SPPL3: variants seen among roughly 807,000 people sequenced by gnomAD.
The protein encoded by SPPL3 is signal peptide peptidase like 3, also known as signal peptide peptidase-like 3.
In SPPL3, 5 loss-of-function variants were observed where a neutral mutation model predicts 42.4. That is an observed-to-expected ratio of 0.12 (90% CI 0.06 to 0.25). SPPL3 has a LOEUF of 0.25. Ranked by LOEUF, SPPL3 falls within the 10% of genes least tolerant of loss-of-function variation. The pLI, the probability that SPPL3 is intolerant of heterozygous loss-of-function variation, is 1.00. For missense variants in SPPL3, 235 were observed against 489.0 expected (o/e 0.48, Z 4.90); for synonymous variants, 195 against 181.8 (o/e 1.07, Z -0.58).
At chr12:120,895,385 C>T (rs1873769188) in intron 1 of SPPL3, among the ~76,000 whole-genome samples, 1 of 151,770 alleles carries the variant, frequency 6.6e-6, no homozygotes, top group Non-Finnish European at 1.5e-5. Context: ...CAAGATCGCG[C>T]CACTGTACTC....
At chr12:120,769,984 A>AC (rs1869058141) in intron 6 of SPPL3, 1 of 149,754 alleles carries the variant, frequency 6.7e-6, no homozygotes, top group Non-Finnish European at 1.5e-5. Flanking sequence ...TTCTCTATAG[A>AC]CCCCAAAACA....
intron 1 of SPPL3, among the ~76,000 whole-genome samples, chr12:120,895,059 T>A (rs1873759254): frequency 6.6e-6 from 1 of 152,158 alleles, no homozygotes; most frequent in South Asian, 2.1e-4. Flanking sequence ...AAGATGAGGA[T>A]CATCCACTCT....
At chr12:120,850,639 A>G (rs969464129) in intron 1 of SPPL3, among the ~76,000 whole-genome samples, 3 of 152,228 alleles carry the variant, frequency 2.0e-5, no homozygotes, top group Non-Finnish European at 2.9e-5. Flanking sequence ...GTAACATCCT[A>G]TATTAGTTTC....
chr12:120,789,002 G>A (rs746633049), intron 3 of SPPL3, among the ~76,000 whole-genome samples: 8 of 152,108 alleles, frequency 5.3e-5, no homozygotes, highest in African/African-American at 1.2e-4. Context: ...CTGGTCGGCC[G>A]TCTTTGTAAT....
At chr12:120,883,817 G>A (rs370704485) in intron 1 of SPPL3, among the ~76,000 whole-genome samples, 10 of 152,010 alleles carry the variant, frequency 6.6e-5, no homozygotes, top group African/African-American at 1.9e-4. Context: ...AAATGTAGAC[G>A]TAAGCCGGGC....
intron 8 of SPPL3, among the ~76,000 whole-genome samples, chr12:120,767,865 A>G (rs1706831594): frequency 6.6e-6 from 1 of 152,204 alleles, no homozygotes; most frequent in African/African-American, 2.4e-5. Flanking sequence ...CTTCCTCTAG[A>G]AATGTCAAAC....
chr12:120,901,458 G>T (rs1273030867), intron 1 of SPPL3, among the ~76,000 whole-genome samples: 1 of 151,950 alleles, frequency 6.6e-6, no homozygotes, highest in African/African-American at 2.4e-5. Context: ...GGGCATGGTG[G>T]CATGTGGCTG....
chr12:120,845,295 G>A (rs575243684), intron 1 of SPPL3: 18 of 352,846 alleles, frequency 5.1e-5, no homozygotes, highest in Non-Finnish European at 9.2e-5. Context: ...ACCCCAGGAG[G>A]ACAGTATCCC....
Position 120,842,712 on chromosome 12 carries a change from A to G in SPPL3, c.24-31826T>C, listed in dbSNP as rs111269115. 8.5e-5 allele frequency among the ~76,000 whole-genome samples: 13 copies of G among 152,148 alleles called. 1 individual carries two copies. Among genetic ancestry groups the G allele is most frequent in the African/African-American group, 2.9e-4 (12 of 41,518 alleles). On this transcript the variant is annotated intron_variant, in intron 1 of 10. Transcript: ENST00000353487. ...CCTCTTTTATAAGGGCACTAATCCC[A>G]TTAACGAGGGCTGTGCCTTCATCAC...
chr12:120,878,577 C>T (rs980244333), intron 1 of SPPL3, among the ~76,000 whole-genome samples: 2 of 152,140 alleles, frequency 1.3e-5, no homozygotes, highest in African/African-American at 4.8e-5. Context: ...ATAATACGCC[C>T]ATAATAGAGA....
chr12:120,892,064 T>C (rs1873659705), intron 1 of SPPL3, among the ~76,000 whole-genome samples: 1 of 152,216 alleles, frequency 6.6e-6, no homozygotes, highest in Admixed American at 6.5e-5. Context: ...ATTTCTGTAC[T>C]TCCTTCAAAG....
At chr12:120,885,335 A>C (rs144043761) in intron 1 of SPPL3, among the ~76,000 whole-genome samples, 1 of 152,232 alleles carries the variant, frequency 6.6e-6, no homozygotes, top group Non-Finnish European at 1.5e-5. Context: ...CCTACAACAC[A>C]TAAGTATTTC....
chr12:120,817,861 C>A (rs1016688733), intron 1 of SPPL3, among the ~76,000 whole-genome samples: 1 of 152,094 alleles, frequency 6.6e-6, no homozygotes, highest in East Asian at 1.9e-4. Flanking sequence ...TTTGCCCACA[C>A]AAAGAAAGCA....
intron 1 of SPPL3, among the ~76,000 whole-genome samples, chr12:120,875,986 A>G (rs1361047014): frequency 1.3e-5 from 2 of 151,186 alleles, no homozygotes; most frequent in Non-Finnish European, 2.9e-5. Context: ...GGGATATTAC[A>G]AAATGATTAG....
intron 6 of SPPL3, 163 bp from the exon 7 acceptor site, chr12:120,769,222 G>A (rs371193881): frequency 6.2e-5 from 35 of 566,982 alleles, no homozygotes; most frequent in South Asian, 3.3e-4. Context: ...CAAAACACCC[G>A]CTTCTTCAGC....
At chr12:120,845,278 T>G in intron 1 of SPPL3, 1 of 367,722 alleles carries the variant, frequency 2.7e-6, no homozygotes, top group South Asian at 2.5e-5. Context: ...GTCCTGCTTG[T>G]TGGCAAACCC....
chr12:120,820,354 C>T (rs1033610583), intron 1 of SPPL3, among the ~76,000 whole-genome samples: 7 of 120,894 alleles, frequency 5.8e-5, no homozygotes, highest in Admixed American at 1.1e-4. Context: ...CTCGCTCTGT[C>T]GCCCAGGCTG....
intron 1 of SPPL3, among the ~76,000 whole-genome samples, chr12:120,900,531 G>A (rs558082110): frequency 2.6e-5 from 4 of 151,322 alleles, no homozygotes; most frequent in African/African-American, 7.3e-5. Context: ...CTTAAGCCCT[G>A]GAGGCACTGC....
intron 3 of SPPL3, among the ~76,000 whole-genome samples, chr12:120,787,781 G>A (rs572671032): frequency 6.6e-6 from 1 of 152,104 alleles, no homozygotes; most frequent in African/African-American, 2.4e-5. Flanking sequence ...TATGCATTGA[G>A]TTATGTAGTT....
Sources: gnomAD v4.1 joint callset for allele counts (sites outside exome capture counted in the v4.1 genomes callset) on GRCh38, gnomAD v4.1.1 for gene constraint, MANE v1.5 for transcripts, NCBI Gene and HGNC (gene_info 2026-07-23, HGNC 2026-07-21) for gene names.